The following RANBP17 variants were observed in gnomAD, a reference collection of about 807,000 sequenced individuals.
RANBP17 encodes the protein RAN binding protein 17, also known as ran-binding protein 17.
RANBP17 carries 158 observed loss-of-function variants against 141.2 expected under a neutral mutation model. The ratio of observed to expected loss-of-function variants is 1.12; its 90% CI spans 0.98 to 1.28. The LOEUF is 1.28. Among genes scored for constraint, RANBP17 ranks in the 50% most tolerant of loss-of-function variants. RANBP17 has a pLI of 0.00. For synonymous variants in RANBP17, 430 were observed against 450.0 expected (o/e 0.96, Z 0.56); for missense variants, 1,438 against 1,290.7 (o/e 1.11, Z -1.75).
At chr5:171,242,496 C>T (rs376488728) in intron 23 of RANBP17, among the ~76,000 whole-genome samples, 186 bp from the exon 24 acceptor site, 3 of 152,174 alleles carry the variant, frequency 2.0e-5, no homozygotes, top group African/African-American at 7.2e-5. Context: ...AGAGATCAAG[C>T]GATTCCTATC....
intron 13 of RANBP17, among the ~76,000 whole-genome samples, chr5:170,955,873 A>G (rs1775653759): frequency 6.7e-6 from 1 of 148,846 alleles, no homozygotes; most frequent in East Asian, 2.0e-4. Context: ...TCATTTTGAA[A>G]ATGTTTTCTC....
chr5:171,115,313 G>A (rs1755542323), intron 14 of RANBP17, among the ~76,000 whole-genome samples: 2 of 152,024 alleles, frequency 1.3e-5, no homozygotes, highest in South Asian at 4.1e-4. Flanking sequence ...TTATGAAATG[G>A]AAATTATTGA....
chr5:171,083,827 G>C (rs1785422629), intron 14 of RANBP17, among the ~76,000 whole-genome samples: 1 of 152,022 alleles, frequency 6.6e-6, no homozygotes, highest in African/African-American at 2.4e-5. Flanking sequence ...CCTTACATAA[G>C]CTCCTCTCTT....
intron 14 of RANBP17, among the ~76,000 whole-genome samples, chr5:171,006,305 A>G (rs886353962): frequency 2.0e-5 from 3 of 152,236 alleles, no homozygotes; most frequent in Non-Finnish European, 4.4e-5. Context: ...ACGTATGTTC[A>G]TTGTGGCACT....
intron 14 of RANBP17, chr5:170,983,182 C>T: frequency 2.2e-6 from 1 of 463,998 alleles, no homozygotes; most frequent in Non-Finnish European, 4.1e-6. Flanking sequence ...CTAAGGGAAG[C>T]TCTCGGATAA....
At chr5:171,033,929 A>C (rs1781709013) in intron 14 of RANBP17, among the ~76,000 whole-genome samples, 1 of 152,096 alleles carries the variant, frequency 6.6e-6, no homozygotes, top group African/African-American at 2.4e-5. Context: ...CAACATAGTG[A>C]GGCTCTGTCT....
chr5:171,113,021 G>C (rs1367510803), intron 14 of RANBP17, among the ~76,000 whole-genome samples: 1 of 152,056 alleles, frequency 6.6e-6, no homozygotes, highest in Admixed American at 6.6e-5. Context: ...ATCATGTCTG[G>C]CATAGAGTAG....
chr5:171,215,544 TC>T (rs1763163486), intron 21 of RANBP17, among the ~76,000 whole-genome samples: 2 of 152,188 alleles, frequency 1.3e-5, no homozygotes, highest in South Asian at 4.1e-4. Context: ...TTCCTGTTTC[TC>T]CACAGCCTGA....
Position 171,141,920 on chromosome 5 carries a change from G to C in RANBP17, c.1711-28210G>C, listed in dbSNP as rs561279826. 1.1e-4 allele frequency among the ~76,000 whole-genome samples: 16 copies of C among 152,080 alleles called. No homozygotes were observed. The South Asian group carries it at 3.3e-3, about 32-fold the overall frequency. On this transcript the variant is annotated intron_variant, in intron 14 of 27. Transcript: ENST00000523189. ...GGGTTTTATATACTTTCATTTTTTG[G>C]TTAACTCTTTGTTTTCTTTTATACC...
In RANBP17 at chr5:170,949,171, T is replaced by G. The variant is rs543565873; in HGVS notation, c.1469-4426T>G. 2.4e-4 allele frequency among the ~76,000 whole-genome samples: 36 copies of G among 152,204 alleles called. 1 individual carries two copies. Among genetic ancestry groups the G allele is most frequent in the Admixed American group, 2.1e-3 (32 of 15,274 alleles). ...GGGTTGGGCAGCTATTTCTTAGATA[T>G]GACACCTGAAGCAGACAACAGAAAA... is the stretch of plus-strand genomic sequence containing the variant. On this transcript the variant is annotated intron_variant, in intron 12 of 27. Coordinates refer to ENST00000523189, the MANE Select transcript of RANBP17 (RefSeq NM_022897.5).
At chr5:171,026,990 T>C (rs541989708) in intron 14 of RANBP17, among the ~76,000 whole-genome samples, 21 of 152,182 alleles carry the variant, frequency 1.4e-4, no homozygotes, top group East Asian at 7.7e-4. Context: ...ACGGACCTTA[T>C]TGGGAACACA....
intron 24 of RANBP17, among the ~76,000 whole-genome samples, chr5:171,248,580 C>T (rs1487413323): frequency 6.6e-6 from 1 of 152,196 alleles, no homozygotes; most frequent in Non-Finnish European, 1.5e-5. Flanking sequence ...ATGAACTCAA[C>T]ATTAACATGA....
At chr5:171,093,074 T>C (rs533132254) in intron 14 of RANBP17, among the ~76,000 whole-genome samples, 2 of 152,184 alleles carry the variant, frequency 1.3e-5, no homozygotes, top group East Asian at 1.9e-4. Flanking sequence ...GCCCCAAATT[T>C]GTTATTAAGC....
chr5:171,175,993 C>T (rs916522026), intron 16 of RANBP17, among the ~76,000 whole-genome samples: 1 of 152,124 alleles, frequency 6.6e-6, no homozygotes, highest in Middle Eastern at 3.4e-3. Context: ...CATGAAGAGG[C>T]TCTTCTAGGC....
intron 22 of RANBP17, among the ~76,000 whole-genome samples, chr5:171,240,511 G>A (rs1420330492): frequency 2.0e-5 from 3 of 152,074 alleles, no homozygotes; most frequent in South Asian, 2.1e-4. Context: ...AAAATTTGCC[G>A]AGAATTTAGG....
chr5:171,190,757 T>C (rs534527458), intron 18 of RANBP17, among the ~76,000 whole-genome samples: 2 of 152,342 alleles, frequency 1.3e-5, no homozygotes, highest in South Asian at 2.1e-4. Context: ...GTGAATTTAG[T>C]TGACAAATAC....
At chr5:171,273,165 G>A (rs764302212) in intron 25 of RANBP17, among the ~76,000 whole-genome samples, 1 of 152,152 alleles carries the variant, frequency 6.6e-6, no homozygotes. Context: ...TCTCTCTCCC[G>A]TATCCAGCAC....
chr5:170,946,925 G>A (rs1406288175), intron 12 of RANBP17, among the ~76,000 whole-genome samples: 1 of 152,150 alleles, frequency 6.6e-6, no homozygotes, highest in Non-Finnish European at 1.5e-5. Context: ...GAAACAAGAA[G>A]GTAGAGTTTC....
At chr5:171,130,527 C>G (rs908675977) in intron 14 of RANBP17, among the ~76,000 whole-genome samples, 3 of 146,272 alleles carry the variant, frequency 2.1e-5, no homozygotes, top group Non-Finnish European at 4.5e-5. Context: ...ACCTCCTCCT[C>G]TGGGGTTCAG....
Sources: gnomAD v4.1 joint callset for allele counts (sites outside exome capture counted in the v4.1 genomes callset) on GRCh38, gnomAD v4.1.1 for gene constraint, MANE v1.5 for transcripts, NCBI Gene and HGNC (gene_info 2026-07-23, HGNC 2026-07-21) for gene names.